Variants in ITGA11 observed in about 807,000 individuals in gnomAD.
ITGA11 encodes integrin subunit alpha 11.
In ITGA11, 97 loss-of-function variants were observed where a neutral mutation model predicts 141.9. The observed-to-expected ratio is 0.68, with a 90% CI of 0.58 to 0.81. The LOEUF is 0.81. Ranked by LOEUF, ITGA11 falls within the 30% of genes least tolerant of loss-of-function variation. The pLI, the probability that ITGA11 is intolerant of heterozygous loss-of-function variation, is 0.00. For missense variants in ITGA11, 1,387 were observed against 1,559.2 expected (o/e 0.89, Z 1.86); for synonymous variants, 658 against 624.6 (o/e 1.05, Z -0.80).
At chr15:68,402,274 T>C (rs1180304573) in intron 2 of ITGA11, among the ~76,000 whole-genome samples, 1 of 151,976 alleles carries the variant, frequency 6.6e-6, no homozygotes, top group African/African-American at 2.4e-5. Flanking sequence ...TGGCGAGAGA[T>C]CTTACTGGGG....
Position 68,326,616 on chromosome 15 carries a change from T to C in ITGA11, c.2211+38A>G, listed in dbSNP as rs2140296505. On this transcript the variant is annotated intron_variant, in intron 17 of 29. Coordinates refer to ENST00000315757, the MANE Select transcript of ITGA11 (RefSeq NM_001004439.2). This position sits in a 1 kb window ranked among gnomAD's most constrained non-coding sequence, Gnocchi z 6.8. The stretch of plus-strand genomic sequence containing the variant: ...CTCCCACGGCAGATGCTCCTTCCTA[T>C]AGGAGCTTGGGCTCTGCTGGTGGGG... The C allele has an allele frequency of 6.4e-7, 1 of 1,554,326 alleles. No homozygotes were observed. Among genetic ancestry groups the C allele is most frequent in the African/African-American group, 1.4e-5 (1 of 73,526 alleles).
rs111485054 is a variant in ITGA11, at chr15:68,380,133, G to A, written c.165-10849C>T. 8.6e-3 allele frequency among the ~76,000 whole-genome samples: 1,315 copies of A among 152,284 alleles called. 26 individuals carry two copies. Among genetic ancestry groups the A allele is most frequent in the African/African-American group, 0.028 (1,175 of 41,548 alleles). ...AATGTCAGGATTGGCCCCAAATCACGTGGTCAGGTAGAGGCTGAGGCACAA... is the reference window on the plus strand; with the variant it reads ...AATGTCAGGATTGGCCCCAAATCACATGGTCAGGTAGAGGCTGAGGCACAA... On this transcript the variant is annotated intron_variant, in intron 2 of 29. Transcript: ENST00000315757.
chr15:68,394,342 A>G (rs531663714), intron 2 of ITGA11, among the ~76,000 whole-genome samples: 2 of 152,348 alleles, frequency 1.3e-5, no homozygotes, highest in South Asian at 2.1e-4. Context: ...TGGAAATTAA[A>G]AAACACATTT....
chr15:68,418,213 G>A (rs559566102), intron 1 of ITGA11, among the ~76,000 whole-genome samples: 1 of 152,306 alleles, frequency 6.6e-6, no homozygotes, highest in African/African-American at 2.4e-5. Flanking sequence ...TTAGCATCTA[G>A]AACAATGCCT....
chr15:68,348,639 T>A (rs1051155029), intron 10 of ITGA11, among the ~76,000 whole-genome samples, 191 bp downstream of exon 10: 2 of 152,098 alleles, frequency 1.3e-5, no homozygotes, highest in South Asian at 2.1e-4. Context: ...CATAAATAGG[T>A]GGAAGACCTC....
At chr15:68,355,102 T>C (rs761633494) in intron 7 of ITGA11, among the ~76,000 whole-genome samples, 1 of 152,210 alleles carries the variant, frequency 6.6e-6, no homozygotes, top group Admixed American at 6.5e-5. Flanking sequence ...CAGTGGGCTT[T>C]ATCCCTGTAT....
chr15:68,298,993 T>C lies in ITGA11; in HGVS notation c.*4066A>G, dbSNP rs1191970986. 3.3e-5 allele frequency: 5 copies of C among 152,280 alleles called. No individual in the cohort carries two copies. The highest frequency in any genetic ancestry group is 7.3e-5 in the Non-Finnish European group (5 of 68,108). 9.4% of individuals were successfully genotyped at this position (152,280 alleles called of 1,614,324 possible). A position where few individuals can be genotyped will look rare whatever the true frequency, so the allele number is the denominator to read the frequency against. ...AGGCAGAGGCTGCCGTGAGCTGTGA[T>C]GGTGCCGCTGCACTCTAGCCTGGGC... is the stretch of plus-strand genomic sequence containing the variant. On this transcript the variant is annotated 3_prime_UTR_variant, in exon 30 of 30. Transcript: ENST00000315757.
rs530183381 is a variant in ITGA11, at chr15:68,307,959, C to G, written c.3175-263G>C. Among the ~76,000 whole-genome samples the G allele has an allele frequency of 6.6e-6, 1 of 152,132 alleles. No homozygotes were observed. The highest frequency in any genetic ancestry group is 1.5e-5 in the Non-Finnish European group (1 of 68,032). ...ATATTCCAGGGACAGAACTTTTGTT[C>G]AACATTAGGGAATCTATAAATGTTT... On this transcript the variant is annotated intron_variant, in intron 26 of 29. Coordinates refer to ENST00000315757, the MANE Select transcript of ITGA11 (RefSeq NM_001004439.2). The surrounding 1 kb of genome is among the most constrained non-coding windows in gnomAD (Gnocchi z 6.1).
intron 20 of ITGA11, among the ~76,000 whole-genome samples, chr15:68,318,091 T>A (rs528285457): frequency 1.3e-5 from 2 of 152,220 alleles, no homozygotes; most frequent in Middle Eastern, 3.4e-3. Context: ...CTTGGCTGGA[T>A]GTTGGGGAGA....
intron 2 of ITGA11, among the ~76,000 whole-genome samples, chr15:68,374,416 G>A (rs556499443): frequency 6.6e-6 from 1 of 152,298 alleles, no homozygotes; most frequent in South Asian, 2.1e-4. Flanking sequence ...GGTTCCTTGG[G>A]CCAGCCTCAA....
In ITGA11 at chr15:68,303,721, G is replaced by A. The variant is rs1178696231; in HGVS notation, c.3495+51C>T. 2 of 1,316,242 alleles carry A rather than the reference G, an allele frequency of 1.5e-6. No individual in the cohort carries two copies. Among genetic ancestry groups the A allele is most frequent in the Non-Finnish European group, 2.2e-6 (2 of 921,752 alleles). 81.5% of individuals were successfully genotyped at this position (1,316,242 alleles called of 1,614,324 possible). On this transcript the variant is annotated intron_variant, in intron 29 of 29. Coordinates refer to ENST00000315757, the MANE Select transcript of ITGA11 (RefSeq NM_001004439.2). This position sits in a 1 kb window ranked among gnomAD's most constrained non-coding sequence, Gnocchi z 5.3. ...CACGAAGTTCCAGGGGCTGGAGCCT[G>A]GGCCCACCAGCCAGGATGCTGCTCC...
rs2306024 is a variant in ITGA11, at chr15:68,335,711, T to G, written c.1411A>C (p.Met471Leu). 0.061 allele frequency: 98,730 copies of G among 1,613,558 alleles called. 4,105 individuals are homozygous for G. Among genetic ancestry groups the G allele is most frequent in the African/African-American group, 0.21 (15,772 of 75,022 alleles). The change falls in exon 12 of 30, where the codon ATG (methionine) becomes CTG (leucine). Residue 471 changes from methionine to leucine, a missense_variant. By Grantham distance (15) the Met-to-Leu change is conservative. Transcript: ENST00000315757. The surrounding 1 kb of genome is among the most constrained non-coding windows in gnomAD (Gnocchi z 4.9). ...NNRSLTIHQA[M>L]RGQQIGSYFG... ...CCCTCCATTACCTGCTGGCCCCGCATAGCCTGGTGGATGGTGAGGCTCCGG... is the reference window on the plus strand; with the variant it reads ...CCCTCCATTACCTGCTGGCCCCGCAGAGCCTGGTGGATGGTGAGGCTCCGG...
chr15:68,424,987 C>T (rs1260515084), intron 1 of ITGA11, among the ~76,000 whole-genome samples: 1 of 152,232 alleles, frequency 6.6e-6, no homozygotes, highest in Non-Finnish European at 1.5e-5. Flanking sequence ...GGAATGAGCC[C>T]TGCAGTCTGT....
rs181755330 is a variant in ITGA11 at position 68,308,655 on chromosome 15, A to G, written c.3175-959T>C. Among the ~76,000 whole-genome samples the G allele has an allele frequency of 6.6e-6, 1 of 152,228 alleles. No homozygotes were observed. The highest frequency in any genetic ancestry group is 6.5e-5 in the Admixed American group (1 of 15,284). ...CTACTTGGGAGGCTGAGGCAGGAGA[A>G]TCACTTGAACCCGGGAGGCGGAGGT... On this transcript the variant is annotated intron_variant, in intron 26 of 29. Transcript: ENST00000315757. This position sits in a 1 kb window ranked among gnomAD's most constrained non-coding sequence, Gnocchi z 5.2.
At chr15:68,361,905 T>C (rs1002581793) in intron 4 of ITGA11, 6 of 518,886 alleles carry the variant, frequency 1.2e-5, no homozygotes, top group Non-Finnish European at 2.1e-5. Flanking sequence ...TCAGGTCTAA[T>C]GGAGAAAAAC....
At position 68,300,665 on chromosome 15, in the gene ITGA11, T is replaced by G. The variant is rs1893005328; in HGVS notation, c.*2394A>C. On this transcript the variant is annotated 3_prime_UTR_variant, in exon 30 of 30. Coordinates refer to ENST00000315757, the MANE Select transcript of ITGA11 (RefSeq NM_001004439.2). ...AAGGGCCTTGATACAACTCTCAGTT[T>G]GTCCACCTTTTGACCACTTAGTTGG... 1 of 152,162 alleles carries G rather than the reference T, an allele frequency of 6.6e-6. No homozygotes were observed. Among genetic ancestry groups the G allele is most frequent in the Non-Finnish European group, 1.5e-5 (1 of 68,038 alleles). 9.4% of individuals were successfully genotyped at this position (152,162 alleles called of 1,614,324 possible).
chr15:68,337,935 C>T (rs774406046), intron 11 of ITGA11, among the ~76,000 whole-genome samples: 10 of 152,112 alleles, frequency 6.6e-5, no homozygotes, highest in African/African-American at 2.4e-4. Flanking sequence ...ATGGCCCCTG[C>T]GGTGGAGACC....
chr15:68,371,145 A>AAG (rs1567148107), intron 2 of ITGA11, among the ~76,000 whole-genome samples: 2 of 152,132 alleles, frequency 1.3e-5, no homozygotes, highest in African/African-American at 4.8e-5. Context: ...AGACGAGGTG[A>AAG]TTTTTGGCTA....
chr15:68,417,326 A>G (rs1378747812), intron 1 of ITGA11, among the ~76,000 whole-genome samples: 1 of 152,216 alleles, frequency 6.6e-6, no homozygotes, highest in Non-Finnish European at 1.5e-5. Flanking sequence ...CTTGGAAGTC[A>G]TTCCTTATGA....
Sources: gnomAD v4.1 joint callset for allele counts (sites outside exome capture counted in the v4.1 genomes callset) on GRCh38, gnomAD v4.1.1 for gene constraint, Gnocchi (gnomAD v3.1) non-coding constraint, MANE v1.5 for transcripts, NCBI Gene and HGNC (gene_info 2026-07-23, HGNC 2026-07-21) for gene names.